Variants in ACOT7 observed in about 807,000 individuals in gnomAD.
ACOT7 encodes the protein acyl-CoA thioesterase 7, also known as cytosolic acyl coenzyme A thioester hydrolase.
Under a neutral mutation model 40.2 loss-of-function variants are expected in ACOT7, and 12 were observed. That is an observed-to-expected ratio of 0.30 (90% confidence interval 0.19 to 0.48). ACOT7 has a LOEUF of 0.48. Ranked by LOEUF, ACOT7 falls within the 20% of genes least tolerant of loss-of-function variation. ACOT7 has a pLI of 0.99. For missense variants in ACOT7, 395 were observed against 530.8 expected, an observed-to-expected ratio of 0.74 and a Z score of 2.51; for synonymous variants, 228 against 219.5, an observed-to-expected ratio of 1.04 and a Z score of -0.34.
At chr1:6,290,145 G>A in intron 7 of ACOT7, among the ~76,000 whole-genome samples, 1 of 152,236 alleles carries the variant, frequency 6.6e-6, no homozygotes, top group Non-Finnish European at 1.5e-5. Context: ...ATGAGCCGAG[G>A]AATGTGGGTG....
chr1:6,364,059 G>T (rs574691648), intron 1 of ACOT7, among the ~76,000 whole-genome samples: 101 of 152,098 alleles, frequency 6.6e-4, no homozygotes, highest in African/African-American at 2.4e-3. Context: ...GCGAGACCTT[G>T]TCTCAAAAAA....
At position 6,288,782 on chromosome 1, in the gene ACOT7, C is replaced by G. The variant is rs1400965743; in HGVS notation, c.829+6082G>C. On this transcript the variant is annotated intron_variant, in intron 7 of 8. Transcript: ENST00000361521. The surrounding 1 kb of genome is among the most constrained non-coding windows in gnomAD (Gnocchi z 4.3). ...GGCCTCTCCCAGCCACGACAAGTGCCCCAAGTTCGTAAGTTCCTCCTAGGC... is the reference window on the plus strand; with the variant it reads ...GGCCTCTCCCAGCCACGACAAGTGCGCCAAGTTCGTAAGTTCCTCCTAGGC... Among the ~76,000 whole-genome samples the G allele has an allele frequency of 6.6e-6, 1 of 152,194 alleles. No individual in the cohort carries two copies. Among genetic ancestry groups the G allele is most frequent in the Non-Finnish European group, 1.5e-5 (1 of 68,036 alleles).
rs1054763261 is a variant in ACOT7 at position 6,330,214 on chromosome 1, G to A, written c.511-2801C>T. ...AATCGGGGATGGCTGTCTGTAGAAAGGTCAGCGGGAGCATGCTCATGCAAT... is the reference window on the plus strand; with the variant it reads ...AATCGGGGATGGCTGTCTGTAGAAAAGTCAGCGGGAGCATGCTCATGCAAT... On this transcript the variant is annotated intron_variant, in intron 4 of 8. Transcript: ENST00000361521. This position sits in a 1 kb window ranked among gnomAD's most constrained non-coding sequence, Gnocchi z 4.6. Among the ~76,000 whole-genome samples, 1 of 152,238 alleles carries A rather than the reference G, an allele frequency of 6.6e-6. No individual in the cohort carries two copies. Among genetic ancestry groups the A allele is most frequent in the Non-Finnish European group, 1.5e-5 (1 of 68,048 alleles).
chr1:6,332,800 A>G (rs147575035), intron 4 of ACOT7, among the ~76,000 whole-genome samples: 4,123 of 151,864 alleles, frequency 0.027, 204 homozygotes, highest in African/African-American at 0.094. Flanking sequence ...CAGCCTGGGC[A>G]ACAGAGCAAG....
intron 5 of ACOT7, among the ~76,000 whole-genome samples, chr1:6,319,196 C>T (rs1160829793): frequency 6.6e-6 from 1 of 152,134 alleles, no homozygotes; most frequent in Admixed American, 6.5e-5. Flanking sequence ...GAAGGTAGAC[C>T]TTTCTTTTTT....
At chr1:6,300,655 G>T (rs192592129) in intron 6 of ACOT7, among the ~76,000 whole-genome samples, 9 of 138,716 alleles carry the variant, frequency 6.5e-5, no homozygotes, top group African/African-American at 2.5e-4. Flanking sequence ...CACAAACACA[G>T]AATCTCACCG....
chr1:6,392,989 G>A (rs1642558896), intron 1 of ACOT7, among the ~76,000 whole-genome samples: 1 of 152,040 alleles, frequency 6.6e-6, no homozygotes, highest in African/African-American at 2.4e-5. Context: ...TGGCTTTCTC[G>A]CCCAAACGGC....
intron 1 of ACOT7, among the ~76,000 whole-genome samples, chr1:6,372,543 C>T (rs1642150278): frequency 6.8e-6 from 1 of 146,908 alleles, no homozygotes. Flanking sequence ...TTAATCATGT[C>T]TAACTTTTGG....
At chr1:6,285,943 G>C (rs1020693123) in intron 7 of ACOT7, among the ~76,000 whole-genome samples, 1 of 152,190 alleles carries the variant, frequency 6.6e-6, no homozygotes, top group Non-Finnish European at 1.5e-5. Flanking sequence ...GCAAAGTTGG[G>C]ACATTGCGGG....
chr1:6,270,706 G>A (rs762499238), intron 8 of ACOT7, among the ~76,000 whole-genome samples: 4 of 152,204 alleles, frequency 2.6e-5, no homozygotes, highest in African/African-American at 4.8e-5. Flanking sequence ...GCCGGTGCAC[G>A]TGAGCTCCTA....
At chr1:6,365,150 G>A (rs1641975658) in intron 1 of ACOT7, among the ~76,000 whole-genome samples, 1 of 152,192 alleles carries the variant, frequency 6.6e-6, no homozygotes, top group Non-Finnish European at 1.5e-5. Context: ...TATAAACTTG[G>A]AGGAAACACA....
chr1:6,278,472 TG>T lies in ACOT7; in HGVS notation c.1014+2629del. On this transcript the variant is annotated intron_variant, in intron 8 of 8. Transcript: ENST00000361521. The surrounding 1 kb of genome is among the most constrained non-coding windows in gnomAD (Gnocchi z 4.1). ...GGAGTGGAGCGGCACTGGGTGGGCGTGGGCATGGGGGGAGTAGGGAGGAGCC... is the reference window on the plus strand; with the variant it reads ...GGAGTGGAGCGGCACTGGGTGGGCGTGGCATGGGGGGAGTAGGGAGGAGCC... Among the ~76,000 whole-genome samples, 1 of 151,626 alleles carries T rather than the reference TG, an allele frequency of 6.6e-6. No homozygotes were observed. The highest frequency in any genetic ancestry group is 1.9e-4 in the East Asian group (1 of 5,140).
At chr1:6,317,963 C>A (rs1029647951) in intron 6 of ACOT7, among the ~76,000 whole-genome samples, 2 of 152,182 alleles carry the variant, frequency 1.3e-5, no homozygotes, top group Non-Finnish European at 2.9e-5. Flanking sequence ...AACTCCTGAC[C>A]TCAGGTGATC....
chr1:6,270,306 G>T (rs1265724862), intron 8 of ACOT7, among the ~76,000 whole-genome samples: 1 of 152,196 alleles, frequency 6.6e-6, no homozygotes, highest in Non-Finnish European at 1.5e-5. Context: ...ATGGAGGGTT[G>T]GGGGTGGGTG....
intron 5 of ACOT7, among the ~76,000 whole-genome samples, chr1:6,322,902 A>T (rs1220097915): frequency 6.6e-6 from 1 of 151,932 alleles, no homozygotes; most frequent in East Asian, 1.9e-4. Flanking sequence ...AGGCTGAGGC[A>T]GGTGGATCAC....
At chr1:6,292,503 G>T (rs1031814687) in intron 7 of ACOT7, among the ~76,000 whole-genome samples, 1 of 152,212 alleles carries the variant, frequency 6.6e-6, no homozygotes, top group Admixed American at 6.5e-5. Flanking sequence ...TGTCTTCTAG[G>T]TTGCTAAGTT....
At chr1:6,307,156 C>T (rs1640178734) in intron 6 of ACOT7, among the ~76,000 whole-genome samples, 1 of 152,244 alleles carries the variant, frequency 6.6e-6, no homozygotes, top group Non-Finnish European at 1.5e-5. Context: ...GTCTTCTTCA[C>T]AGTGTCCCTG....
chr1:6,276,750 G>A (rs1242220134), intron 8 of ACOT7, among the ~76,000 whole-genome samples: 3 of 152,094 alleles, frequency 2.0e-5, no homozygotes, highest in African/African-American at 4.8e-5. Flanking sequence ...ATCCCTCTCC[G>A]GGCAGCCTGC....
At chr1:6,267,501 AT>A (rs1413381850) in intron 8 of ACOT7, among the ~76,000 whole-genome samples, 1 of 152,130 alleles carries the variant, frequency 6.6e-6, no homozygotes. Flanking sequence ...GTGTCTGCAG[AT>A]CCTCTGGGCT....
Sources: gnomAD v4.1 joint callset for allele counts (sites outside exome capture counted in the v4.1 genomes callset) on GRCh38, gnomAD v4.1.1 for gene constraint, Gnocchi (gnomAD v3.1) non-coding constraint, MANE v1.5 for transcripts, NCBI Gene and HGNC (gene_info 2026-07-23, HGNC 2026-07-21) for gene names.